Variants in PIP4P2 observed in about 807,000 individuals in gnomAD.
The protein encoded by PIP4P2 is phosphatidylinositol-4,5-bisphosphate 4-phosphatase 2, also known as type 2 phosphatidylinositol 4,5-bisphosphate 4-phosphatase.
Under a neutral mutation model 33.3 loss-of-function variants are expected in PIP4P2, and 19 were observed. That is an observed-to-expected ratio of 0.57 (90% CI 0.40 to 0.84). The LOEUF is 0.84. Ranked by LOEUF, PIP4P2 falls within the 40% of genes least tolerant of loss-of-function variation. The pLI is 0.00. For missense variants in PIP4P2, 270 were observed against 324.7 expected (o/e 0.83, Z 1.29); for synonymous variants, 110 against 111.9 (o/e 0.98, Z 0.11).
At chr8:91,012,779 T>C (rs1296661314) in intron 4 of PIP4P2, among the ~76,000 whole-genome samples, 1 of 152,202 alleles carries the variant, frequency 6.6e-6, no homozygotes, top group Non-Finnish European at 1.5e-5. Context: ...GAAGTAAGTC[T>C]CTGGCTTGCA....
intron 1 of PIP4P2, among the ~76,000 whole-genome samples, chr8:91,023,880 T>C (rs565192009): frequency 3.0e-4 from 46 of 151,886 alleles, no homozygotes; most frequent in Non-Finnish European, 6.2e-4. Flanking sequence ...AAGTATTAGG[T>C]TGCTGCAAAA....
chr8:91,005,272 A>G (rs1224988200), intron 5 of PIP4P2, among the ~76,000 whole-genome samples: 2 of 152,126 alleles, frequency 1.3e-5, no homozygotes, highest in Non-Finnish European at 2.9e-5. Context: ...ATTCTTTCAC[A>G]TTCAGTCCTA....
At chr8:90,998,685 T>C (rs544113349) in intron 5 of PIP4P2, among the ~76,000 whole-genome samples, 3 of 152,158 alleles carry the variant, frequency 2.0e-5, no homozygotes, top group Admixed American at 2.0e-4. Flanking sequence ...ATTCAATAAA[T>C]GGTGCTGGAA....
At chr8:91,027,068 T>C (rs1254233694) in intron 1 of PIP4P2, among the ~76,000 whole-genome samples, 5 of 152,180 alleles carry the variant, frequency 3.3e-5, no homozygotes, top group Admixed American at 3.3e-4. Context: ...CTTAAAAGTA[T>C]CACTTATTTC....
At chr8:91,006,968 C>CA (rs1024117701) in intron 5 of PIP4P2, among the ~76,000 whole-genome samples, 11 of 150,248 alleles carry the variant, frequency 7.3e-5, no homozygotes, top group Non-Finnish European at 1.3e-4. Flanking sequence ...GACTCTGTCT[C>CA]AAAAAAAAAG....
At chr8:91,004,162 T>C (rs1226136045) in intron 5 of PIP4P2, among the ~76,000 whole-genome samples, 1 of 152,106 alleles carries the variant, frequency 6.6e-6, no homozygotes, top group Non-Finnish European at 1.5e-5. Context: ...GGGAAGCCAA[T>C]GGCGTAATTC....
intron 3 of PIP4P2, among the ~76,000 whole-genome samples, chr8:91,019,426 A>G (rs1811970944): frequency 2.1e-5 from 1 of 47,096 alleles, no homozygotes; most frequent in African/African-American, 4.9e-5. Context: ...AAAAAAAAAT[A>G]TATTACCTGG....
chr8:91,022,940 A>G (rs912047657), intron 1 of PIP4P2, among the ~76,000 whole-genome samples: 3 of 152,194 alleles, frequency 2.0e-5, no homozygotes, highest in Non-Finnish European at 4.4e-5. Context: ...AATTCAAAAG[A>G]AGCTGTACAT....
intron 1 of PIP4P2, among the ~76,000 whole-genome samples, chr8:91,029,306 A>G (rs986740145): frequency 6.6e-6 from 1 of 152,096 alleles, no homozygotes; most frequent in African/African-American, 2.4e-5. Flanking sequence ...AAGAAAAAAA[A>G]AAAGAAATTA....
At chr8:90,996,926 G>C (rs921505764) in intron 5 of PIP4P2, among the ~76,000 whole-genome samples, 182 bp from the exon 6 acceptor site, 3 of 151,976 alleles carry the variant, frequency 2.0e-5, no homozygotes, top group Admixed American at 2.0e-4. Flanking sequence ...AATCGTTCAG[G>C]GTGAATTTGT....
Position 91,018,415 on chromosome 8 carries a change from C to A in PIP4P2, c.461G>T (p.Cys154Phe). ...CAGGAATGTGTTTCCACAGTGCCCACACACGACCCTTGTACCTTCTGGTTG... is the reference window on the plus strand; with the variant it reads ...CAGGAATGTGTTTCCACAGTGCCCAAACACGACCCTTGTACCTTCTGGTTG... ...PIQPEGTRVV[C>F]GHCGNTFLWM... The change falls in exon 4 of 7, where the codon TGT (cysteine) becomes TTT (phenylalanine). Residue 154 changes from cysteine to phenylalanine, a missense_variant. Physicochemically the swap from Cys to Phe is radical, Grantham distance 205 (BLOSUM62 -2). Transcript: ENST00000285419. 6.2e-7 allele frequency: 1 copy of A among 1,614,010 alleles called. No homozygotes were observed. The highest frequency in any genetic ancestry group is 1.1e-5 in the South Asian group (1 of 91,092).
chr8:91,002,378 T>A (rs891874590), intron 5 of PIP4P2, among the ~76,000 whole-genome samples: 2 of 152,130 alleles, frequency 1.3e-5, no homozygotes, highest in African/African-American at 4.8e-5. Flanking sequence ...CTCTCAAACA[T>A]CTAACTATTC....
At chr8:91,033,424 C>T (rs934645361) in intron 1 of PIP4P2, among the ~76,000 whole-genome samples, 1 of 152,144 alleles carries the variant, frequency 6.6e-6, no homozygotes, top group African/African-American at 2.4e-5. Context: ...ATCAGCAAGT[C>T]CTGTTTAAAA....
chr8:91,011,928 A>G (rs1376132987), intron 4 of PIP4P2, among the ~76,000 whole-genome samples: 1 of 151,926 alleles, frequency 6.6e-6, no homozygotes, highest in African/African-American at 2.4e-5. Flanking sequence ...TAAAATATCA[A>G]AATTAAATTA....
intron 1 of PIP4P2, among the ~76,000 whole-genome samples, chr8:91,023,812 A>T (rs1159114318): frequency 6.6e-6 from 1 of 152,134 alleles, no homozygotes; most frequent in African/African-American, 2.4e-5. Context: ...TTAATTAATA[A>T]ATCAGCGAGT....
At chr8:91,018,902 A>T (rs1811958538) in intron 3 of PIP4P2, among the ~76,000 whole-genome samples, 1 of 152,162 alleles carries the variant, frequency 6.6e-6, no homozygotes, top group Non-Finnish European at 1.5e-5. Flanking sequence ...AAGGCACCGA[A>T]GGGCTGGGTT....
chr8:91,002,113 A>G (rs1199831237), intron 5 of PIP4P2, among the ~76,000 whole-genome samples: 1 of 152,030 alleles, frequency 6.6e-6, no homozygotes, highest in Non-Finnish European at 1.5e-5. Flanking sequence ...TAACCCCGCT[A>G]CCTTGTGTGA....
chr8:91,011,257 A>G (rs1475140094), intron 4 of PIP4P2, among the ~76,000 whole-genome samples: 1 of 152,076 alleles, frequency 6.6e-6, no homozygotes. Flanking sequence ...TTAAAGAACA[A>G]CAACCCTCAG....
chr8:91,021,653 T>G (rs574971216), intron 1 of PIP4P2, among the ~76,000 whole-genome samples: 9 of 152,314 alleles, frequency 5.9e-5, no homozygotes, highest in African/African-American at 2.2e-4. Flanking sequence ...ATAACCCAGT[T>G]TCCTTTTACT....
Sources: gnomAD v4.1 joint callset for allele counts (sites outside exome capture counted in the v4.1 genomes callset) on GRCh38, gnomAD v4.1.1 for gene constraint, MANE v1.5 for transcripts, NCBI Gene and HGNC (gene_info 2026-07-23, HGNC 2026-07-21) for gene names.